KIF26B: variants seen among roughly 807,000 people sequenced by gnomAD.
The protein encoded by KIF26B is kinesin-like protein KIF26B.
A neutral mutation model predicts 151.2 loss-of-function variants in KIF26B; 63 were observed. The observed-to-expected ratio is 0.42, with a 90% CI of 0.34 to 0.51. The LOEUF (loss-of-function observed/expected upper bound fraction) is 0.51. Ranked by LOEUF, KIF26B falls within the 20% of genes least tolerant of loss-of-function variation. The pLI, the probability that KIF26B is intolerant of heterozygous loss-of-function variation, is 0.07. For synonymous variants in KIF26B, 1,357 were observed against 1,262.1 expected (o/e 1.08, Z -1.59); for missense variants, 2,813 against 2,913.6 (o/e 0.97, Z 0.79).
In KIF26B at chr1:245,688,549, C is replaced by T. The variant is rs1375546517; in HGVS notation, c.5566C>T (p.Pro1856Ser). 2.6e-6 allele frequency: 4 copies of T among 1,543,464 alleles called. No individual in the cohort carries two copies. The highest frequency in any genetic ancestry group is 1.7e-4 in the Middle Eastern group (1 of 5,798). ...CCCGTCGCCCTACAGCAAGATCACGCCCCCGCGGAGGCCCCACCGCTGCAG... is the reference window on the plus strand; with the variant it reads ...CCCGTCGCCCTACAGCAAGATCACGTCCCCGCGGAGGCCCCACCGCTGCAG... Reference protein sequence around the residue: ...LLPSPYSKITPPRRPHRCSSG... With the variant: ...LLPSPYSKITSPRRPHRCSSG... Residue 1856 changes from proline to serine, a missense_variant, in exon 12 of 15, where the codon CCC (proline) becomes TCC (serine). This residue lies in a region of KIF26B where 2,060 missense variants were observed against 2,088.6 expected (regional missense o/e 0.99). Transcript: ENST00000407071.
chr1:245,425,999 A>T (rs1658639839), intron 4 of KIF26B, among the ~76,000 whole-genome samples: 1 of 152,148 alleles, frequency 6.6e-6, no homozygotes, highest in South Asian at 2.1e-4. Context: ...TATTAAGGGC[A>T]TTTTTTATTT....
chr1:245,636,868 G>GTA (rs141438370), intron 9 of KIF26B, among the ~76,000 whole-genome samples: 1 of 151,676 alleles, frequency 6.6e-6, no homozygotes, highest in African/African-American at 2.4e-5. Flanking sequence ...CATTGTGTGT[G>GTA]TGTGTGTGTG....
intron 2 of KIF26B, among the ~76,000 whole-genome samples, chr1:245,351,753 G>T (rs1008816198): frequency 2.6e-5 from 4 of 152,174 alleles, no homozygotes; most frequent in African/African-American, 9.7e-5. Context: ...CCAGTCTGTT[G>T]ACTCCTTCAT....
chr1:245,522,988 A>C (rs1295600302), intron 4 of KIF26B, among the ~76,000 whole-genome samples: 1 of 152,208 alleles, frequency 6.6e-6, no homozygotes, highest in Non-Finnish European at 1.5e-5. Flanking sequence ...CCAGGTGTTT[A>C]CTCTGCGTCA....
At chr1:245,410,709 C>T (rs1295101892) in intron 3 of KIF26B, among the ~76,000 whole-genome samples, 2 of 152,198 alleles carry the variant, frequency 1.3e-5, no homozygotes, top group South Asian at 2.1e-4. Flanking sequence ...CTCGGCCCCC[C>T]AAAGGCTTGA....
In KIF26B at chr1:245,655,884, C is replaced by T. The variant is rs144072940; in HGVS notation, c.2258+9604C>T. Among the ~76,000 whole-genome samples the T allele has an allele frequency of 3.0e-3, 463 of 152,296 alleles. 3 individuals carry two copies. The highest frequency in any genetic ancestry group is 0.011 in the African/African-American group (447 of 41,554). ...GATATAAATTTCACTTTACATTTTA[C>T]ACCACACGTGATTCATAACATTTAA... On this transcript the variant is annotated intron_variant, in intron 10 of 14. Coordinates refer to ENST00000407071, the MANE Select transcript of KIF26B (RefSeq NM_018012.4).
intron 10 of KIF26B, among the ~76,000 whole-genome samples, chr1:245,664,845 GTTT>G (rs1274805949): frequency 1.3e-5 from 2 of 151,882 alleles, no homozygotes; most frequent in African/African-American, 4.8e-5. Flanking sequence ...ATGTCAGGGC[GTTT>G]TTCTCCTTCA....
intron 4 of KIF26B, among the ~76,000 whole-genome samples, chr1:245,471,872 A>G (rs1659923145): frequency 1.3e-5 from 2 of 151,420 alleles, no homozygotes; most frequent in Non-Finnish European, 2.9e-5. Flanking sequence ...GCTCACTGCA[A>G]CCTCCACCTC....
chr1:245,165,071 T>TA (rs35448332), intron 2 of KIF26B, among the ~76,000 whole-genome samples: 112 of 150,422 alleles, frequency 7.4e-4, no homozygotes, highest in Middle Eastern at 6.8e-3. Flanking sequence ...ACTCCATCTT[T>TA]AAAAAAAAAA....
Position 245,602,736 on chromosome 1 carries a change from C to G in KIF26B, c.1510C>G (p.Pro504Ala), listed in dbSNP as rs746890344. Residue 504 changes from proline to alanine, a missense_variant, in exon 6 of 15, where the codon CCA becomes GCA. Pro to Ala is a conservative substitution (Grantham distance 27, BLOSUM62 -1). Transcript: ENST00000407071. The surrounding 1 kb of genome is among the most constrained non-coding windows in gnomAD (Gnocchi z 4.5). The part of the protein sequence containing the change: ...AFQKRGNQVP[P>A]KMFAFDAVFP... ...CCAAAAGAGAGGCAACCAGGTTCCTCCAAAGATGTTTGCCTTCGATGCAGT... is the reference window on the plus strand; with the variant it reads ...CCAAAAGAGAGGCAACCAGGTTCCTGCAAAGATGTTTGCCTTCGATGCAGT... 2.4e-5 allele frequency: 39 copies of G among 1,614,070 alleles called. No individual in the cohort carries two copies. The highest frequency in any genetic ancestry group is 3.2e-5 in the Non-Finnish European group (38 of 1,179,912).
chr1:245,251,928 G>A (rs1258115888), intron 2 of KIF26B, among the ~76,000 whole-genome samples: 1 of 151,960 alleles, frequency 6.6e-6, no homozygotes, highest in Non-Finnish European at 1.5e-5. Flanking sequence ...TTTTCTGTCA[G>A]AATTGCTTGG....
chr1:245,199,472 A>G (rs1474459803), intron 2 of KIF26B, among the ~76,000 whole-genome samples: 2 of 150,062 alleles, frequency 1.3e-5, no homozygotes, highest in Non-Finnish European at 3.0e-5. Flanking sequence ...CTGTTCATAT[A>G]TCCACATATC....
chr1:245,350,666 T>TATTGGTC (rs1672549383), intron 2 of KIF26B, among the ~76,000 whole-genome samples: 1 of 152,142 alleles, frequency 6.6e-6, no homozygotes, highest in Non-Finnish European at 1.5e-5. Context: ...CTTTCCATTT[T>TATTGGTC]ATTGGTCACG....
intron 3 of KIF26B, among the ~76,000 whole-genome samples, chr1:245,385,900 T>G (rs1274666856): frequency 6.6e-6 from 1 of 151,974 alleles, no homozygotes. Context: ...CCTTGGAGAT[T>G]GGTTGGATGT....
At chr1:245,498,563 G>T (rs2103077482) in intron 4 of KIF26B, among the ~76,000 whole-genome samples, 1 of 152,310 alleles carries the variant, frequency 6.6e-6, no homozygotes, top group African/African-American at 2.4e-5. Context: ...CTTCCAAGCT[G>T]TGTCAGAGGG....
In KIF26B at chr1:245,542,907, T is replaced by C. The variant is rs1181127992; in HGVS notation, c.1350+1957T>C. Among the ~76,000 whole-genome samples, 3 of 152,192 alleles carry C rather than the reference T, an allele frequency of 2.0e-5. No individual in the cohort carries two copies. In the East Asian group the frequency reaches 5.8e-4, roughly 29 times the overall value. ...TCAGTGCAGTGACCTTCCCCTCCTG[T>C]ACTCTAAGCCAGTTCTCTTCTGAAT... On this transcript the variant is annotated intron_variant, in intron 5 of 14. Coordinates refer to ENST00000407071, the MANE Select transcript of KIF26B (RefSeq NM_018012.4).
intron 10 of KIF26B, among the ~76,000 whole-genome samples, chr1:245,671,753 G>A (rs562905899): frequency 5.2e-4 from 79 of 152,258 alleles, no homozygotes; most frequent in African/African-American, 1.8e-3. Context: ...GATTAGTAGT[G>A]GATGATAATG....
intron 5 of KIF26B, among the ~76,000 whole-genome samples, chr1:245,587,917 A>C (rs1346810943): frequency 6.6e-6 from 1 of 152,226 alleles, no homozygotes; most frequent in Non-Finnish European, 1.5e-5. Context: ...GCTGCAAAGC[A>C]TCCGTCCCAG....
Position 245,686,368 on chromosome 1 carries a change from G to C in KIF26B, c.3385G>C (p.Val1129Leu), listed in dbSNP as rs1286767364. The C allele has an allele frequency of 6.2e-7, 1 of 1,613,418 alleles. No homozygotes were observed. The highest frequency in any genetic ancestry group is 8.5e-7 in the Non-Finnish European group (1 of 1,179,882). Residue 1129 changes from valine (V) to leucine (L), a missense_variant, in exon 12 of 15, where the codon GTT becomes CTT. This residue lies in a region of KIF26B where 2,060 missense variants were observed against 2,088.6 expected (regional missense o/e 0.99). Transcript: ENST00000407071. This position sits in a 1 kb window ranked among gnomAD's most constrained non-coding sequence, Gnocchi z 5.6. Reference protein sequence around the residue: ...LLQPEVRTPPVGMSPQVLKKS... With the variant: ...LLQPEVRTPPLGMSPQVLKKS... ...GCAGCCCGAGGTGCGTACGCCCCCG[G>C]TTGGAATGAGCCCCCAGGTTTTGAA... is the stretch of plus-strand genomic sequence containing the variant.
Sources: gnomAD v4.1 joint callset for allele counts (sites outside exome capture counted in the v4.1 genomes callset) on GRCh38, gnomAD v4.1.1 for gene constraint, gnomAD v4.1.1 regional missense constraint, Gnocchi (gnomAD v3.1) non-coding constraint, MANE v1.5 for transcripts, NCBI Gene and HGNC (gene_info 2026-07-23, HGNC 2026-07-21) for gene names.